Variants in DDB2 observed in about 807,000 individuals in gnomAD.
DDB2 encodes DNA damage-binding protein 2.
In DDB2, 27 loss-of-function variants were observed where a neutral mutation model predicts 50.5. That is an observed-to-expected ratio of 0.53 (90% CI 0.39 to 0.74). The LOEUF is 0.74. Ranked by LOEUF, DDB2 falls within the 30% of genes least tolerant of loss-of-function variation. The pLI, the probability that DDB2 is intolerant of heterozygous loss-of-function variation, is 0.00. For missense variants in DDB2, 424 were observed against 545.6 expected, an observed-to-expected ratio of 0.78 and a Z score of 2.22; for synonymous variants, 176 against 205.5, an observed-to-expected ratio of 0.86 and a Z score of 1.23.
intron 9 of DDB2, 137 bp downstream of exon 9, chr11:47,238,320 G>A: frequency 1.3e-6 from 1 of 796,340 alleles, no homozygotes; most frequent in East Asian, 2.7e-5. Flanking sequence ...GGGAGACAGT[G>A]GTCTCTATAG....
intron 3 of DDB2, among the ~76,000 whole-genome samples, chr11:47,223,584 C>T (rs560263916): frequency 1.3e-4 from 20 of 151,994 alleles, no homozygotes; most frequent in South Asian, 1.0e-3. Context: ...ATTGAGACCA[C>T]CCTGGCTAAC....
intron 1 of DDB2, chr11:47,215,484 A>G: frequency 1.7e-6 from 1 of 601,080 alleles, no homozygotes; most frequent in Non-Finnish European, 3.0e-6. Flanking sequence ...AACAACAGAC[A>G]CACGGACTTG....
rs182109561 is a variant in DDB2, at chr11:47,237,516, C to T, written c.1024-321C>T. On this transcript the variant is annotated intron_variant, in intron 7 of 9. Transcript: ENST00000256996. Reference sequence around the variant, plus strand: ...CATGATCTTCACTCACTGCAACCTCCGCCTCCCGGGTTCAAGTGATTCCCC... The same window carrying T: ...CATGATCTTCACTCACTGCAACCTCTGCCTCCCGGGTTCAAGTGATTCCCC... The T allele has an allele frequency of 1.3e-3, 480 of 365,704 alleles. 3 individuals carry two copies. Among genetic ancestry groups the T allele is most frequent in the Non-Finnish European group, 1.0e-3 (192 of 189,118 alleles). 22.7% of individuals were successfully genotyped at this position (365,704 alleles called of 1,614,324 possible).
rs979303679 is a variant in DDB2 at position 47,235,306 on chromosome 11, C to T, written c.917C>T (p.Thr306Met). Reference sequence around the variant, plus strand: ...CCCGATGGAGCCCGGCTCCTGACCACGGACCAGAAGAGCGAGATCCGAGTT... The same window carrying T: ...CCCGATGGAGCCCGGCTCCTGACCATGGACCAGAAGAGCGAGATCCGAGTT... ...FSPDGARLLT[T>M]DQKSEIRVYS... The change falls in exon 7 of 10, where the codon ACG becomes ATG. Residue 306 changes from threonine (T) to methionine (M), a missense_variant. By Grantham distance (81) the Thr-to-Met change is moderately conservative. Coordinates refer to ENST00000256996, the MANE Select transcript of DDB2 (RefSeq NM_000107.3). 1.5e-5 allele frequency: 25 copies of T among 1,614,098 alleles called. No homozygotes were observed. Among genetic ancestry groups the T allele is most frequent in the East Asian group, 2.2e-5 (1 of 44,898 alleles).
intron 2 of DDB2, 35 bp from the exon 3 acceptor site, chr11:47,216,823 T>C: frequency 6.2e-7 from 1 of 1,610,656 alleles, no homozygotes; most frequent in Admixed American, 1.7e-5. Context: ...GAACTTGGGT[T>C]TTAATTCAAC....
At position 47,226,407 on chromosome 11, in the gene DDB2, G is replaced by A. The variant is rs192432727; in HGVS notation, c.457-6407G>A. On this transcript the variant is annotated intron_variant, in intron 3 of 9. Transcript: ENST00000256996. ...TCTCCTGGCTCAGCCTCCAGTAGCT[G>A]AGATTATAGGCGCACACCACCATGC... 5.9e-5 allele frequency among the ~76,000 whole-genome samples: 9 copies of A among 151,974 alleles called. No homozygotes were observed. In the East Asian group the frequency reaches 1.7e-3, roughly 29 times the overall value.
intron 2 of DDB2, 115 bp downstream of exon 2, chr11:47,216,587 C>G: frequency 2.0e-6 from 3 of 1,483,882 alleles, no homozygotes; most frequent in Non-Finnish European, 2.8e-6. Flanking sequence ...GTCCGATCAC[C>G]CAGACTGTGG....
At chr11:47,217,752 G>A (rs1297150626) in intron 3 of DDB2, among the ~76,000 whole-genome samples, 6 of 152,092 alleles carry the variant, frequency 3.9e-5, no homozygotes, top group Non-Finnish European at 8.8e-5. Context: ...TTAGCTGGAT[G>A]TGGTGGTGTG....
At chr11:47,237,282 G>T (rs1953738386) in intron 7 of DDB2, among the ~76,000 whole-genome samples, 1 of 152,180 alleles carries the variant, frequency 6.6e-6, no homozygotes, top group Non-Finnish European at 1.5e-5. Flanking sequence ...TGCAAATGAG[G>T]GAGAAGGCCT....
At chr11:47,224,594 CTT>C (rs1039627179) in intron 3 of DDB2, among the ~76,000 whole-genome samples, 1 of 152,062 alleles carries the variant, frequency 6.6e-6, no homozygotes, top group Non-Finnish European at 1.5e-5. Context: ...AAGAACAGTT[CTT>C]TTTTTCTTGG....
chr11:47,216,130 G>A (rs1177277733), intron 1 of DDB2: 6 of 752,302 alleles, frequency 8.0e-6, no homozygotes, highest in Non-Finnish European at 1.4e-5. Flanking sequence ...CTTACTGTTT[G>A]TGGGAGTGTT....
chr11:47,233,394 G>A lies in DDB2; in HGVS notation c.602+435G>A, dbSNP rs578030151. 5 of 238,476 alleles carry A rather than the reference G, an allele frequency of 2.1e-5. No homozygotes were observed. In the East Asian group the frequency reaches 4.8e-4, roughly 23 times the overall value. The allele number at this position is 238,476 out of a possible 1,614,324, so 14.8% of individuals were successfully genotyped here. A position where few individuals can be genotyped will look rare whatever the true frequency, so the allele number is the denominator to read the frequency against. Reference sequence around the variant, plus strand: ...CCATAAAGTGCTCTGGACTTCCCAAGAGAAAGTGGCTGGAGAAATTACAGA... The same window carrying A: ...CCATAAAGTGCTCTGGACTTCCCAAAAGAAAGTGGCTGGAGAAATTACAGA... On this transcript the variant is annotated intron_variant, in intron 4 of 9. Transcript: ENST00000256996.
At chr11:47,230,130 T>G (rs1953624847) in intron 3 of DDB2, among the ~76,000 whole-genome samples, 1 of 139,972 alleles carries the variant, frequency 7.1e-6, no homozygotes, top group African/African-American at 2.7e-5. Flanking sequence ...AGACCCTGTC[T>G]CTAAAAAAAA....
intron 3 of DDB2, among the ~76,000 whole-genome samples, chr11:47,227,536 G>C (rs1003188953): frequency 2.7e-5 from 4 of 146,042 alleles, no homozygotes; most frequent in African/African-American, 1.0e-4. Context: ...TTGAGATGGA[G>C]TTTCACTCTT....
intron 2 of DDB2, 81 bp from the exon 3 acceptor site, chr11:47,216,777 C>T (rs1953405774): frequency 1.4e-6 from 2 of 1,407,432 alleles, no homozygotes; most frequent in Non-Finnish European, 1.0e-6. Flanking sequence ...ATCTAGGGCT[C>T]ATCCATGAAG....
At chr11:47,237,244 G>A (rs900477511) in intron 7 of DDB2, among the ~76,000 whole-genome samples, 1 of 152,138 alleles carries the variant, frequency 6.6e-6, no homozygotes, top group African/African-American at 2.4e-5. Flanking sequence ...ATGTTAAAAC[G>A]TTTACCAGTT....
At chr11:47,232,565 G>A (rs1335595282) in intron 3 of DDB2, among the ~76,000 whole-genome samples, 1 of 152,128 alleles carries the variant, frequency 6.6e-6, no homozygotes, top group African/African-American at 2.4e-5. Context: ...CTTGAGCCCA[G>A]GAGATTGAGG....
rs776207791 is a variant in DDB2 at position 47,227,505 on chromosome 11, A to AT, written c.457-5293dup. 2.0e-3 allele frequency among the ~76,000 whole-genome samples: 268 copies of AT among 136,510 alleles called. 1 individual carries two copies. Among genetic ancestry groups the AT allele is most frequent in the African/African-American group, 3.9e-3 (147 of 37,436 alleles). 89.6% of individuals were successfully genotyped at this position (136,510 alleles called of 152,430 possible). Reference sequence around the variant, plus strand: ...GTCGATTGTTTCTTTTGATGCCTGAATTTTTTTTTTTTTTTTAATTTTGAG... The same window carrying AT: ...GTCGATTGTTTCTTTTGATGCCTGAATTTTTTTTTTTTTTTTTAATTTTGAG... On this transcript the variant is annotated intron_variant, in intron 3 of 9. Coordinates refer to ENST00000256996, the MANE Select transcript of DDB2 (RefSeq NM_000107.3).
rs1953385441 is a variant in DDB2 at position 47,215,355 on chromosome 11, A to G, written c.127+92A>G. ...GGGGATGGGTGCTCCGAGGCTCCCGAGGCCCGCGCAGGTCACGGGTGCCTC... is the reference window on the plus strand; with the variant it reads ...GGGGATGGGTGCTCCGAGGCTCCCGGGGCCCGCGCAGGTCACGGGTGCCTC... On this transcript the variant is annotated intron_variant, in intron 1 of 9. Transcript: ENST00000256996. 5 of 1,593,784 alleles carry G rather than the reference A, an allele frequency of 3.1e-6. No individual in the cohort carries two copies. The East Asian group carries it at 1.1e-4, about 36-fold the overall frequency.
Sources: gnomAD v4.1 joint callset for allele counts (sites outside exome capture counted in the v4.1 genomes callset) on GRCh38, gnomAD v4.1.1 for gene constraint, MANE v1.5 for transcripts, NCBI Gene and HGNC (gene_info 2026-07-23, HGNC 2026-07-21) for gene names.